RAB9B: variants seen among roughly 807,000 people sequenced by gnomAD.
RAB9B encodes RAB9B, member RAS oncogene family.
In RAB9B, 1 loss-of-function variant was observed where a neutral mutation model predicts 8.9. That is an observed-to-expected ratio of 0.11 (90% confidence interval 0.04 to 0.53). The LOEUF (loss-of-function observed/expected upper bound fraction) is 0.53, where lower values mean the gene tolerates loss of function less well. RAB9B is among the 20% of genes least tolerant of loss of function. The pLI, the probability that RAB9B is intolerant of heterozygous loss-of-function variation, is 0.93. For missense variants in RAB9B, 82 were observed against 152.9 expected, an observed-to-expected ratio of 0.54 and a Z score of 2.45; for synonymous variants, 63 against 57.0, an observed-to-expected ratio of 1.10 and a Z score of -0.47.
intron 2 of RAB9B, among the ~76,000 whole-genome samples, chrX:103,826,479 T>A: frequency 8.9e-6 from 1 of 112,241 alleles, no homozygotes; most frequent in Non-Finnish European, 1.9e-5. Flanking sequence ...GATATCAATA[T>A]AACAGCTGTC....
chrX:103,790,516 G>A, the RAB9B span: 1 of 1,187,986 alleles, frequency 8.4e-7, no homozygotes, highest in African/African-American at 1.7e-5. Context: ...TCTCTCTTCT[G>A]TTCCCTACAG....
chrX:103,799,237 A>G, the RAB9B span, among the ~76,000 whole-genome samples: 1 of 102,649 alleles, frequency 9.7e-6, no homozygotes, highest in Non-Finnish European at 1.9e-5. Context: ...TTTCAGCAGC[A>G]AAGTCACAAG....
chrX:103,802,306 G>T, the RAB9B span, among the ~76,000 whole-genome samples: 41 of 109,145 alleles, frequency 3.8e-4, 3 homozygotes, highest in East Asian at 4.6e-3. Flanking sequence ...GAGGGACCTT[G>T]CCTGAAATGA....
the RAB9B span, among the ~76,000 whole-genome samples, chrX:103,811,399 A>T: frequency 7.1e-5 from 8 of 112,125 alleles, no homozygotes; most frequent in East Asian, 2.8e-4. Context: ...ATACCATAAA[A>T]TAGACCTAAT....
At chrX:103,795,692 T>C in the RAB9B span, among the ~76,000 whole-genome samples, 2 of 111,814 alleles carry the variant, frequency 1.8e-5, no homozygotes, top group Admixed American at 9.5e-5. Flanking sequence ...TCAGCCCACA[T>C]TATCCAAAAA....
At chrX:103,812,579 CA>C in the RAB9B span, among the ~76,000 whole-genome samples, 1 of 112,088 alleles carries the variant, frequency 8.9e-6, no homozygotes, top group Admixed American at 9.5e-5. Flanking sequence ...CTGATTTTAA[CA>C]ACAATTTTCT....
the RAB9B span, among the ~76,000 whole-genome samples, chrX:103,813,921 A>G: frequency 9.1e-6 from 1 of 110,293 alleles, no homozygotes; most frequent in Non-Finnish European, 1.9e-5. Context: ...ATACAGGAGC[A>G]CCCTGATTCA....
the RAB9B span, among the ~76,000 whole-genome samples, chrX:103,779,578 C>T: frequency 8.9e-6 from 1 of 111,995 alleles, no homozygotes; most frequent in Non-Finnish European, 1.9e-5. Flanking sequence ...CTCCCTTTGG[C>T]CGTGCAGAGC....
At chrX:103,806,051 T>G in the RAB9B span, among the ~76,000 whole-genome samples, 2 of 111,288 alleles carry the variant, frequency 1.8e-5, no homozygotes, top group Non-Finnish European at 3.8e-5. Context: ...AGTGATTTTT[T>G]CACCTTAGCC....
the RAB9B span, among the ~76,000 whole-genome samples, chrX:103,789,898 T>C: frequency 1.8e-5 from 2 of 112,078 alleles, no homozygotes; most frequent in Non-Finnish European, 3.8e-5. Context: ...ATGATTATAA[T>C]ACAATGCTAT....
the RAB9B span, among the ~76,000 whole-genome samples, chrX:103,801,439 ATCTGCAC>A: frequency 9.0e-5 from 10 of 111,378 alleles, no homozygotes; most frequent in African/African-American, 3.3e-4. Context: ...TGGGCCTAGC[ATCTGCAC>A]TCTGTCCACC....
At chrX:103,822,131 A>G (rs928891122), downstream of RAB9B, among the ~76,000 whole-genome samples, 1 of 111,523 alleles carries the variant, frequency 9.0e-6, no homozygotes, top group Non-Finnish European at 1.9e-5. Flanking sequence ...CCCTGCCCCA[A>G]TCTTTAGAGT....
chrX:103,818,807 C>T (rs1360219781), downstream of RAB9B, among the ~76,000 whole-genome samples: 3 of 111,734 alleles, frequency 2.7e-5, no homozygotes, highest in African/African-American at 9.7e-5. Context: ...AATAGGATTA[C>T]ATTACAGATG....
At chrX:103,815,331 T>C in the RAB9B span, among the ~76,000 whole-genome samples, 18 of 112,633 alleles carry the variant, frequency 1.6e-4, no homozygotes, top group Non-Finnish European at 3.4e-4. Context: ...ACAGAACCAA[T>C]GATAAAAACC....
the RAB9B span, among the ~76,000 whole-genome samples, chrX:103,805,184 C>T: frequency 9.0e-6 from 1 of 111,595 alleles, no homozygotes; most frequent in African/African-American, 3.3e-5. Context: ...CCCTGTATTC[C>T]TAGTCTGTTG....
At chrX:103,788,454 G>A in the RAB9B span, 2 of 1,208,320 alleles carry the variant, frequency 1.7e-6, no homozygotes, top group Non-Finnish European at 2.2e-6. Flanking sequence ...CCCATGGAAT[G>A]CTTTCCCTGG....
chrX:103,814,515 A>G, the RAB9B span, among the ~76,000 whole-genome samples: 3 of 111,603 alleles, frequency 2.7e-5, no homozygotes, highest in Non-Finnish European at 5.6e-5. Context: ...CCCTAACATC[A>G]CAATTTAAAG....
In RAB9B at chrX:103,825,849, G is replaced by C; in HGVS notation, c.-42-23C>G. On this transcript the variant is annotated intron_variant, in intron 2 of 2. Coordinates refer to ENST00000243298, the MANE Select transcript of RAB9B (RefSeq NM_016370.4). ...AACCTGAAAATAAAAGGAAAAGTAG[G>C]AGGGAAAACAGTTAAACCTGAAACT... is the stretch of plus-strand genomic sequence containing the variant. The C allele has an allele frequency of 6.6e-6, 7 of 1,058,006 alleles. No homozygotes were observed. In the South Asian group the frequency reaches 1.4e-4, roughly 21 times the overall value. 87.2% of individuals were successfully genotyped at this position (1,058,006 alleles called of 1,213,427 possible).
At chrX:103,820,435 A>G (rs1352079947), downstream of RAB9B, among the ~76,000 whole-genome samples, 1 of 111,939 alleles carries the variant, frequency 8.9e-6, no homozygotes, top group Non-Finnish European at 1.9e-5. Flanking sequence ...AAATTACTCA[A>G]ATTGATACCT....
Sources: gnomAD v4.1 joint callset for allele counts (sites outside exome capture counted in the v4.1 genomes callset) on GRCh38, gnomAD v4.1.1 for gene constraint, MANE v1.5 for transcripts, NCBI Gene and HGNC (gene_info 2026-07-23, HGNC 2026-07-21) for gene names.